The following TRIM23 variants were observed in gnomAD, a reference collection of about 807,000 sequenced individuals.
TRIM23 encodes tripartite motif containing 23.
TRIM23 carries 27 observed loss-of-function variants against 71.0 expected under a neutral mutation model. The observed-to-expected ratio is 0.38, with a 90% CI of 0.28 to 0.52. The LOEUF is 0.52. Ranked by LOEUF, TRIM23 falls within the 20% of genes least tolerant of loss-of-function variation. The pLI, the probability that TRIM23 is intolerant of heterozygous loss-of-function variation, is 0.84. For synonymous variants in TRIM23, 234 were observed against 238.0 expected, an observed-to-expected ratio of 0.98 and a Z score of 0.16; for missense variants, 482 against 692.3, an observed-to-expected ratio of 0.70 and a Z score of 3.41.
At chr5:65,595,012 T>C (rs2150621000) in intron 9 of TRIM23, among the ~76,000 whole-genome samples, 1 of 152,358 alleles carries the variant, frequency 6.6e-6, no homozygotes, top group East Asian at 1.9e-4. Flanking sequence ...TAATATTTAG[T>C]CTTTGAATAA....
chr5:65,622,188 T>C (rs117906798), intron 1 of TRIM23, among the ~76,000 whole-genome samples: 28,939 of 151,496 alleles, frequency 0.19, 3,406 homozygotes, highest in South Asian at 0.32. Context: ...ATTTTTCAGA[T>C]GGAGTCTCAC....
At chr5:65,622,456 C>G (rs1417922774) in intron 1 of TRIM23, among the ~76,000 whole-genome samples, 3 of 152,250 alleles carry the variant, frequency 2.0e-5, no homozygotes, top group Middle Eastern at 6.3e-3. Flanking sequence ...TTGTGCTTTA[C>G]AGGCGTGTGC....
At chr5:65,619,401 TA>T (rs1477309806) in intron 1 of TRIM23, among the ~76,000 whole-genome samples, 1 of 152,190 alleles carries the variant, frequency 6.6e-6, no homozygotes, top group African/African-American at 2.4e-5. Context: ...CTGGGTATTT[TA>T]AATACCAAGT....
intron 7 of TRIM23, among the ~76,000 whole-genome samples, chr5:65,600,140 C>T (rs1024490049): frequency 2.0e-5 from 3 of 152,062 alleles, no homozygotes; most frequent in African/African-American, 7.2e-5. Context: ...AAAGACAGTA[C>T]CAAGGGGGAT....
Position 65,596,425 on chromosome 5 carries a change from A to G in TRIM23, c.1416T>C (p.Thr472=). The G allele has an allele frequency of 1.3e-6, 2 of 1,580,302 alleles. No individual in the cohort carries two copies. Among genetic ancestry groups the G allele is most frequent in the Non-Finnish European group, 1.7e-6 (2 of 1,152,252 alleles). The change falls in exon 9 of 11, where the codon ACT becomes ACC. Residue 472 remains threonine (T), a synonymous_variant. Transcript: ENST00000231524. The part of the protein sequence containing the change: ...RPLWKHYYLN[T]QAVVFVVDSS... ...AATGTCATTTTTAACTCTCACCTTG[A>G]GTATTGAGGTAATAATGTTTCCACA...
At chr5:65,599,891 G>A (rs1465135122) in intron 7 of TRIM23, among the ~76,000 whole-genome samples, 2 of 152,192 alleles carry the variant, frequency 1.3e-5, no homozygotes, top group Non-Finnish European at 2.9e-5. Flanking sequence ...AGAAATACCT[G>A]AGACTGGGTA....
intron 2 of TRIM23, among the ~76,000 whole-genome samples, chr5:65,614,496 A>C (rs973962538): frequency 2.0e-5 from 3 of 152,160 alleles, no homozygotes. Flanking sequence ...GCAGTTTGGG[A>C]GGCTGAGGCG....
intron 1 of TRIM23, 27 bp downstream of exon 1, chr5:65,624,167 G>C: frequency 3.1e-6 from 5 of 1,613,974 alleles, no homozygotes; most frequent in Non-Finnish European, 3.4e-6. Flanking sequence ...GCCGATGGTG[G>C]AGAATAGAGC....
chr5:65,612,002 A>T, intron 3 of TRIM23, 121 bp from the exon 4 acceptor site: 1 of 951,880 alleles, frequency 1.1e-6, no homozygotes. Context: ...ATGAAAATAT[A>T]TTGGTCATTA....
chr5:65,621,982 T>C (rs1452370980), intron 1 of TRIM23, among the ~76,000 whole-genome samples: 3 of 151,894 alleles, frequency 2.0e-5, no homozygotes, highest in Non-Finnish European at 4.4e-5. Context: ...CATGTGCCAC[T>C]ACGCCTGGCT....
At chr5:65,624,127 C>T (rs948317108) in intron 1 of TRIM23, 67 bp downstream of exon 1, 2 of 1,600,206 alleles carry the variant, frequency 1.2e-6, no homozygotes, top group Non-Finnish European at 8.6e-7. Flanking sequence ...GCGGCGATGC[C>T]GCCAGGTCTC....
At position 65,590,287 on chromosome 5, in the gene TRIM23, C is replaced by A; in HGVS notation, c.*1482G>T. The stretch of plus-strand genomic sequence containing the variant: ...TTATGCACACAAACTACACCTGTAA[C>A]AGCATGACCTTTTACCTGAAAAATA... On this transcript the variant is annotated 3_prime_UTR_variant, in exon 11 of 11. Coordinates refer to ENST00000231524, the MANE Select transcript of TRIM23 (RefSeq NM_001656.4). 7.4e-7 allele frequency: 1 copy of A among 1,352,460 alleles called. No homozygotes were observed. Among genetic ancestry groups the A allele is most frequent in the South Asian group, 1.3e-5 (1 of 75,396 alleles). The allele number at this position is 1,352,460 out of a possible 1,614,324, so 83.8% of individuals were successfully genotyped here.
intron 2 of TRIM23, 107 bp from the exon 3 acceptor site, chr5:65,614,326 A>C (rs1385829948): frequency 3.8e-6 from 4 of 1,062,784 alleles, no homozygotes; most frequent in Non-Finnish European, 5.4e-6. Flanking sequence ...TTAATGTCTA[A>C]ATTTTTAAAA....
At chr5:65,593,140 C>A (rs1754090263) in intron 10 of TRIM23, among the ~76,000 whole-genome samples, 1 of 151,866 alleles carries the variant, frequency 6.6e-6, no homozygotes, top group African/African-American at 2.4e-5. Flanking sequence ...TTTAATAACC[C>A]ACGAACAGTG....
chr5:65,621,337 G>A (rs568535782), intron 1 of TRIM23, among the ~76,000 whole-genome samples: 1 of 152,198 alleles, frequency 6.6e-6, no homozygotes, highest in Non-Finnish European at 1.5e-5. Flanking sequence ...GGGCGACAGA[G>A]TGAGGCTCTG....
chr5:65,612,480 G>C (rs1754678474), intron 3 of TRIM23, among the ~76,000 whole-genome samples: 1 of 151,900 alleles, frequency 6.6e-6, no homozygotes, highest in African/African-American at 2.4e-5. Flanking sequence ...CCACAGGTGA[G>C]TCTATTGCAC....
intron 2 of TRIM23, among the ~76,000 whole-genome samples, chr5:65,617,477 T>C (rs971949467): frequency 6.6e-6 from 1 of 152,212 alleles, no homozygotes; most frequent in African/African-American, 2.4e-5. Flanking sequence ...AGAACTTACG[T>C]TTGTAAAATA....
chr5:65,604,145 G>A (rs550186808), intron 7 of TRIM23, among the ~76,000 whole-genome samples: 25 of 152,180 alleles, frequency 1.6e-4, no homozygotes, highest in Admixed American at 3.3e-4. Context: ...TACCCAGGCT[G>A]AAGTGCAGTG....
chr5:65,615,503 A>G (rs989009419), intron 2 of TRIM23, among the ~76,000 whole-genome samples: 1 of 144,890 alleles, frequency 6.9e-6, no homozygotes, highest in South Asian at 2.3e-4. Context: ...CATTGCCTGC[A>G]GGGCCCCCCT....
Sources: allele counts gnomAD v4.1 joint callset (sites outside exome capture counted in the v4.1 genomes callset), GRCh38; gene constraint gnomAD v4.1.1; transcripts MANE v1.5; gene names NCBI Gene and HGNC (gene_info 2026-07-23, HGNC 2026-07-21).